Variants in CSMD1 observed in about 807,000 individuals in gnomAD.
CSMD1 encodes CUB and Sushi multiple domains 1.
A neutral mutation model predicts 417.5 loss-of-function variants in CSMD1; 213 were observed. The ratio of observed to expected loss-of-function variants is 0.51; its 90% CI spans 0.46 to 0.57. The LOEUF (loss-of-function observed/expected upper bound fraction) is 0.57. CSMD1 is among the 20% of genes least tolerant of loss of function. The pLI is 0.00. For synonymous variants in CSMD1, 2,862 were observed against 1,736.8 expected (o/e 1.65, Z -16.11); for missense variants, 6,923 against 4,529.7 (o/e 1.53, Z -15.17).
intron 25 of CSMD1, among the ~76,000 whole-genome samples, chr8:3,292,268 A>C (rs943798843): frequency 2.6e-5 from 4 of 152,160 alleles, no homozygotes; most frequent in African/African-American, 9.7e-5. Flanking sequence ...GTTTTGGAGT[A>C]GGTGTGGTGT....
At chr8:4,302,833 C>G (rs1383723874) in intron 3 of CSMD1, among the ~76,000 whole-genome samples, 1 of 152,066 alleles carries the variant, frequency 6.6e-6, no homozygotes. Flanking sequence ...TCCTAGTGAC[C>G]CTGTGTTTTC....
intron 10 of CSMD1, among the ~76,000 whole-genome samples, chr8:3,514,296 G>C (rs893734974): frequency 6.6e-6 from 1 of 152,190 alleles, no homozygotes. Context: ...GACGTCCTCA[G>C]TGCATTGCAG....
At chr8:2,979,175 A>G (rs1271196917) in intron 54 of CSMD1, among the ~76,000 whole-genome samples, 1 of 152,216 alleles carries the variant, frequency 6.6e-6, no homozygotes. Context: ...GTTTTAGAAC[A>G]GTCTGTGGCA....
chr8:4,517,826 A>G (rs1195272678), intron 2 of CSMD1, among the ~76,000 whole-genome samples: 1 of 152,246 alleles, frequency 6.6e-6, no homozygotes, highest in Non-Finnish European at 1.5e-5. Context: ...TGTCAAACAT[A>G]TATTCAACAG....
At chr8:3,611,945 T>C (rs1186547417) in intron 8 of CSMD1, among the ~76,000 whole-genome samples, 1 of 152,146 alleles carries the variant, frequency 6.6e-6, no homozygotes, top group African/African-American at 2.4e-5. Flanking sequence ...TAAGATGACA[T>C]CATTTGCCAA....
chr8:3,467,529 T>C (rs1220696054), intron 12 of CSMD1, among the ~76,000 whole-genome samples: 2 of 152,250 alleles, frequency 1.3e-5, no homozygotes, highest in South Asian at 2.1e-4. Flanking sequence ...GAAAGGGATG[T>C]AAATATACAT....
chr8:4,184,782 C>CA (rs35344138), intron 3 of CSMD1, among the ~76,000 whole-genome samples: 148,506 of 152,040 alleles, frequency 0.98, 72,613 homozygotes, highest in East Asian at 1. Context: ...ATCTGTACCA[C>CA]AACCTGTGAC....
At chr8:4,681,931 A>G (rs1397043308) in intron 1 of CSMD1, among the ~76,000 whole-genome samples, 1 of 152,180 alleles carries the variant, frequency 6.6e-6, no homozygotes, top group African/African-American at 2.4e-5. Context: ...GTCACTAGGA[A>G]GTGTTGATTT....
intron 3 of CSMD1, among the ~76,000 whole-genome samples, chr8:4,290,319 G>A (rs976055508): frequency 6.6e-6 from 1 of 152,168 alleles, no homozygotes; most frequent in African/African-American, 2.4e-5. Context: ...TCAGATGGTC[G>A]TGTTTGAATT....
intron 3 of CSMD1, among the ~76,000 whole-genome samples, chr8:4,288,925 T>C (rs543251103): frequency 6.6e-6 from 1 of 152,284 alleles, no homozygotes; most frequent in South Asian, 2.1e-4. Flanking sequence ...ATTCCATATA[T>C]AACATTAAAT....
chr8:4,682,726 C>T (rs1280525290), intron 1 of CSMD1, among the ~76,000 whole-genome samples: 1 of 151,438 alleles, frequency 6.6e-6, no homozygotes, highest in Non-Finnish European at 1.5e-5. Flanking sequence ...ATTATTTGTC[C>T]AATATTACGT....
At chr8:4,754,856 C>T (rs1000583929) in intron 1 of CSMD1, among the ~76,000 whole-genome samples, 9 of 151,016 alleles carry the variant, frequency 6.0e-5, no homozygotes, top group Non-Finnish European at 8.9e-5. Context: ...AAAACAAAGT[C>T]GGATGAGTGT....
chr8:3,205,277 C>A (rs186482472), intron 31 of CSMD1, among the ~76,000 whole-genome samples: 28 of 152,266 alleles, frequency 1.8e-4, no homozygotes, highest in Admixed American at 1.4e-3. Context: ...CTGATTATTT[C>A]GGATCATAAC....
intron 8 of CSMD1, among the ~76,000 whole-genome samples, chr8:3,615,884 T>G (rs1287779701): frequency 6.6e-6 from 1 of 152,192 alleles, no homozygotes; most frequent in Non-Finnish European, 1.5e-5. Flanking sequence ...AATGTTACAT[T>G]TCTTGAACTC....
At chr8:4,851,369 T>C (rs529032391) in intron 1 of CSMD1, among the ~76,000 whole-genome samples, 3 of 152,282 alleles carry the variant, frequency 2.0e-5, no homozygotes, top group Non-Finnish European at 4.4e-5. Flanking sequence ...CTGGCTTTCA[T>C]GATCCCACCA....
chr8:3,927,380 A>G (rs73501844), intron 5 of CSMD1, among the ~76,000 whole-genome samples: 2 of 152,108 alleles, frequency 1.3e-5, no homozygotes, highest in South Asian at 2.1e-4. Context: ...AACAGAAAAC[A>G]ATACAGCCAG....
At chr8:4,597,282 G>T (rs796401087) in intron 2 of CSMD1, among the ~76,000 whole-genome samples, 7 of 152,188 alleles carry the variant, frequency 4.6e-5, no homozygotes, top group East Asian at 1.9e-4. Context: ...TTGAGAAATA[G>T]ATATCAATGT....
intron 1 of CSMD1, among the ~76,000 whole-genome samples, chr8:4,911,984 C>T (rs1805707032): frequency 6.6e-6 from 1 of 151,556 alleles, no homozygotes; most frequent in Admixed American, 6.6e-5. Flanking sequence ...AATTTCTCCA[C>T]AAGAAGTACG....
intron 3 of CSMD1, among the ~76,000 whole-genome samples, chr8:4,210,671 G>T (rs780532855): frequency 6.6e-6 from 1 of 151,986 alleles, no homozygotes; most frequent in Non-Finnish European, 1.5e-5. Context: ...CTTATCTGAA[G>T]AAAGCCAATT....
Sources: allele counts gnomAD v4.1 joint callset (sites outside exome capture counted in the v4.1 genomes callset), GRCh38; gene constraint gnomAD v4.1.1; transcripts MANE v1.5; gene names NCBI Gene and HGNC (gene_info 2026-07-23, HGNC 2026-07-21).